The following ACSM3 variants were observed in gnomAD, a reference collection of about 807,000 sequenced individuals.
The protein encoded by ACSM3 is acyl-coenzyme A synthetase ACSM3, mitochondrial.
ACSM3 carries 61 observed loss-of-function variants against 74.1 expected under a neutral mutation model. That is an observed-to-expected ratio of 0.82 (90% CI 0.67 to 1.02). The LOEUF (loss-of-function observed/expected upper bound fraction) is 1.02, where lower values mean the gene tolerates loss of function less well. ACSM3 is among the 50% of genes least tolerant of loss of function. ACSM3 has a pLI of 0.00. For missense variants in ACSM3, 660 were observed against 697.0 expected (o/e 0.95, Z 0.60); for synonymous variants, 213 against 241.5 (o/e 0.88, Z 1.09).
intron 1 of ACSM3, chr16:20,721,112 T>C (rs2079783593): frequency 6.6e-6 from 1 of 152,250 alleles, no homozygotes; most frequent in Non-Finnish European, 1.5e-5. Context: ...ATGAGGTCTT[T>C]GGAGTAGAAG....
chr16:20,733,385 T>C (rs529457006), intron 1 of ACSM3, among the ~76,000 whole-genome samples: 2 of 152,222 alleles, frequency 1.3e-5, no homozygotes, highest in East Asian at 1.9e-4. Context: ...TAAAATACTG[T>C]TAAAATGAGT....
chr16:20,717,956 GGAAGAAGAAGAAGAAGAAGAAGAA>G (rs746227909), intron 1 of ACSM3, among the ~76,000 whole-genome samples: 1,343 of 74,426 alleles, frequency 0.018, 25 homozygotes, highest in East Asian at 0.043. Flanking sequence ...AAGAGGAAGA[GGAAGAAGAAGAAGAAGAAGAAGAA>G]GAAGAAGAAG....
chr16:20,779,040 T>A (rs2080296211), intron 4 of ACSM3, among the ~76,000 whole-genome samples: 1 of 152,170 alleles, frequency 6.6e-6, no homozygotes, highest in African/African-American at 2.4e-5. Flanking sequence ...CGTGAGCCAC[T>A]GCGCCCGGCC....
At chr16:20,726,221 T>C (rs1204847115) in intron 1 of ACSM3, among the ~76,000 whole-genome samples, 2 of 152,202 alleles carry the variant, frequency 1.3e-5, no homozygotes, top group Non-Finnish European at 2.9e-5. Context: ...GAAGAGAAGC[T>C]AACAAAGTTT....
intron 1 of ACSM3, chr16:20,739,114 A>C (rs764891719): frequency 6.3e-7 from 1 of 1,584,494 alleles, no homozygotes; most frequent in South Asian, 1.1e-5. Flanking sequence ...ACAACAGCTC[A>C]CATTTAAACA....
rs1200952107 is a variant in ACSM3, at chr16:20,775,964, T to C, written c.345T>C (p.Cys115=). 1 of 1,614,192 alleles carries C rather than the reference T, an allele frequency of 6.2e-7. No individual in the cohort carries two copies. Residue 115 remains cysteine, a synonymous_variant, in exon 3 of 14, where the codon TGT becomes TGC. Coordinates refer to ENST00000289416, the MANE Select transcript of ACSM3 (RefSeq NM_005622.4). The part of the protein sequence containing the change: ...RKFANILSEA[C]SLQRGDRVIL... The stretch of plus-strand genomic sequence containing the variant: ...TTGCCAATATACTTTCAGAAGCCTG[T>C]TCCCTACAAAGAGGAGATCGGGTAA...
intron 1 of ACSM3, among the ~76,000 whole-genome samples, chr16:20,746,716 C>T (rs1293372803): frequency 6.6e-6 from 1 of 152,222 alleles, no homozygotes; most frequent in African/African-American, 2.4e-5. Context: ...CCAATGTGAA[C>T]TTGAGTCTGC....
chr16:20,691,027 A>G (rs1407001480), intron 1 of ACSM3: 21 of 1,613,626 alleles, frequency 1.3e-5, no homozygotes, highest in Non-Finnish European at 1.6e-5. Context: ...AGTCCAGTAC[A>G]TAACTTGCAA....
chr16:20,782,500 A>C (rs2080374799), intron 7 of ACSM3, among the ~76,000 whole-genome samples: 1 of 152,142 alleles, frequency 6.6e-6, no homozygotes, highest in Non-Finnish European at 1.5e-5. Flanking sequence ...TATTCACAAC[A>C]CTCAATACTC....
chr16:20,706,960 A>G (rs1378262563), intron 1 of ACSM3, among the ~76,000 whole-genome samples: 2 of 152,004 alleles, frequency 1.3e-5, no homozygotes, highest in South Asian at 4.1e-4. Context: ...CTCAGCAGCA[A>G]CCCAAGAGCA....
At chr16:20,728,228 C>A in intron 1 of ACSM3, 1 of 372,310 alleles carries the variant, frequency 2.7e-6, no homozygotes. Context: ...AAGAATGCTT[C>A]ACTATGATGT....
upstream of ACSM3, among the ~76,000 whole-genome samples, chr16:20,760,082 G>GA (rs749333533): frequency 2.0e-5 from 3 of 152,062 alleles, no homozygotes; most frequent in Non-Finnish European, 4.4e-5. Flanking sequence ...CATTAACATT[G>GA]AAACAGTGAT....
In ACSM3 at chr16:20,789,372, T is replaced by C. The variant is rs545967099; in HGVS notation, c.1225-1215T>C. On this transcript the variant is annotated intron_variant, in intron 9 of 13. Coordinates refer to ENST00000289416, the MANE Select transcript of ACSM3 (RefSeq NM_005622.4). ...AAGTACTTAAAGGTTTAGCATTAATTACTTAGCATGTATTAAGTACTTAAT... is the reference window on the plus strand; with the variant it reads ...AAGTACTTAAAGGTTTAGCATTAATCACTTAGCATGTATTAAGTACTTAAT... The C allele has an allele frequency of 3.4e-5, 28 of 811,626 alleles. No individual in the cohort carries two copies. The South Asian group carries it at 4.3e-4, about 13-fold the overall frequency. 50.3% of individuals were successfully genotyped at this position (811,626 alleles called of 1,614,324 possible). A position where few individuals can be genotyped will look rare whatever the true frequency, so the allele number is the denominator to read the frequency against.
rs1222699849 is a variant in ACSM3 at position 20,710,384 on chromosome 16, G to A, written c.-190+35562G>A. On this transcript the variant is annotated intron_variant, in intron 1 of 3. Coordinates refer to the ACSM3 transcript ENST00000561584. ...TTAGAATACACATCTTCCCATCTGA[G>A]TGTAGCACTTACATTGTTCTACTGC... 2.6e-5 allele frequency among the ~76,000 whole-genome samples: 4 copies of A among 152,118 alleles called. No individual in the cohort carries two copies. The South Asian group carries it at 8.3e-4, about 32-fold the overall frequency.
intron 2 of ACSM3, among the ~76,000 whole-genome samples, chr16:20,754,967 A>T (rs765334827): frequency 6.6e-6 from 1 of 152,108 alleles, no homozygotes; most frequent in Non-Finnish European, 1.5e-5. Flanking sequence ...CAGAGGAATT[A>T]TTGTGACGAA....
chr16:20,774,476 C>T (rs1264345710), intron 2 of ACSM3, among the ~76,000 whole-genome samples: 4 of 152,146 alleles, frequency 2.6e-5, no homozygotes, highest in Admixed American at 1.3e-4. Flanking sequence ...TTCTTGACTT[C>T]GTGATCCGCC....
In ACSM3 at chr16:20,674,900, C is replaced by A. The variant is rs1428092375; in HGVS notation, c.-190+78C>A. On this transcript the variant is annotated intron_variant, in intron 1 of 3. Transcript: ENST00000561584. ...AGCTTGATCACCTCCCAGGGACCAA[C>A]CACTCATCCAACCCAGAGTGGCTGG... is the stretch of plus-strand genomic sequence containing the variant. 3 of 152,362 alleles carry A rather than the reference C, an allele frequency of 2.0e-5. No homozygotes were observed. In the East Asian group the frequency reaches 5.8e-4, roughly 29 times the overall value. The allele number at this position is 152,362 out of a possible 1,614,324, so 9.4% of individuals were successfully genotyped here.
chr16:20,691,244 G>A, intron 1 of ACSM3: 2 of 1,406,606 alleles, frequency 1.4e-6, no homozygotes, highest in South Asian at 3.0e-5. Context: ...ACCTGCCTTG[G>A]GAAGAGATGG....
chr16:20,758,514 T>C (rs2080049856), intron 3 of ACSM3, among the ~76,000 whole-genome samples: 1 of 152,106 alleles, frequency 6.6e-6, no homozygotes, highest in African/African-American at 2.4e-5. Flanking sequence ...GTCTATTTGA[T>C]TCTTCTCTCT....
Sources: allele counts gnomAD v4.1 joint callset (sites outside exome capture counted in the v4.1 genomes callset), GRCh38; gene constraint gnomAD v4.1.1; transcripts MANE v1.5; gene names NCBI Gene and HGNC (gene_info 2026-07-23, HGNC 2026-07-21).